The following THSD7B variants were observed in gnomAD, a reference collection of about 807,000 sequenced individuals.
THSD7B encodes thrombospondin type-1 domain-containing protein 7B.
Under a neutral mutation model 213.6 loss-of-function variants are expected in THSD7B, and 138 were observed. That is an observed-to-expected ratio of 0.65 (90% CI 0.56 to 0.74). The LOEUF is 0.74. Ranked by LOEUF, THSD7B falls within the 30% of genes least tolerant of loss-of-function variation. The probability of loss-of-function intolerance (pLI) is 0.00; values close to 1 mark genes in which losing one functional copy is unlikely to be tolerated. For missense variants in THSD7B, 1,931 were observed against 1,991.5 expected (o/e 0.97, Z 0.58); for synonymous variants, 742 against 687.0 (o/e 1.08, Z -1.25).
intron 3 of THSD7B, among the ~76,000 whole-genome samples, chr2:137,065,821 C>T (rs774198425): frequency 7.9e-5 from 12 of 152,094 alleles, no homozygotes; most frequent in South Asian, 4.1e-4. Context: ...TATCCTATAA[C>T]GGAGTATTCT....
At chr2:137,307,337 C>G (rs917993829) in intron 12 of THSD7B, among the ~76,000 whole-genome samples, 1 of 152,008 alleles carries the variant, frequency 6.6e-6, no homozygotes, top group South Asian at 2.1e-4. Context: ...CAGGGTAACT[C>G]GCAGCCCGCC....
At chr2:137,305,550 G>A (rs562209147) in intron 12 of THSD7B, among the ~76,000 whole-genome samples, 1 of 152,228 alleles carries the variant, frequency 6.6e-6, no homozygotes, top group African/African-American at 2.4e-5. Context: ...ATAACTTGGA[G>A]TCCCAGAAGC....
chr2:137,604,093 T>C (rs1682125104), intron 17 of THSD7B, among the ~76,000 whole-genome samples: 1 of 151,912 alleles, frequency 6.6e-6, no homozygotes, highest in South Asian at 2.1e-4. Context: ...AGTGAGACTC[T>C]ATCTCGAAAA....
intron 8 of THSD7B, among the ~76,000 whole-genome samples, chr2:137,231,730 A>C (rs1681644590): frequency 6.6e-6 from 1 of 152,216 alleles, no homozygotes; most frequent in African/African-American, 2.4e-5. Context: ...GGGGCACATC[A>C]TGGAGGCTGT....
chr2:137,400,727 G>A (rs1686334909), intron 12 of THSD7B, among the ~76,000 whole-genome samples: 1 of 152,204 alleles, frequency 6.6e-6, no homozygotes, highest in South Asian at 2.1e-4. Flanking sequence ...GCAGGTTAGA[G>A]CCAGCTGCAG....
chr2:137,354,000 T>G (rs1040709996), intron 12 of THSD7B, among the ~76,000 whole-genome samples: 2 of 152,106 alleles, frequency 1.3e-5, no homozygotes, highest in African/African-American at 4.8e-5. Flanking sequence ...CTGAGTCTGA[T>G]GTCTGATCCT....
At chr2:137,330,788 A>G (rs181228206) in intron 12 of THSD7B, among the ~76,000 whole-genome samples, 1 of 152,052 alleles carries the variant, frequency 6.6e-6, no homozygotes, top group Admixed American at 6.5e-5. Flanking sequence ...ACAGTGTGGA[A>G]GGGGCCCCAA....
At chr2:137,424,704 A>G (rs1445398333) in intron 14 of THSD7B, among the ~76,000 whole-genome samples, 1 of 152,206 alleles carries the variant, frequency 6.6e-6, no homozygotes, top group Non-Finnish European at 1.5e-5. Flanking sequence ...AACTCTCAAT[A>G]AATTGCATAG....
chr2:137,202,473 T>C (rs1680898412), intron 7 of THSD7B, among the ~76,000 whole-genome samples: 1 of 151,958 alleles, frequency 6.6e-6, no homozygotes, highest in African/African-American at 2.4e-5. Flanking sequence ...AGCAGAGTGG[T>C]TTAACCACAA....
chr2:136,977,806 T>TTTGTTTTG (rs535706842), intron 2 of THSD7B, among the ~76,000 whole-genome samples: 2,413 of 51,616 alleles, frequency 0.047, 56 homozygotes, highest in East Asian at 0.15. Context: ...TCTTTGTTTT[T>TTTGTTTTG]TTTTTTTTTT....
intron 20 of THSD7B, among the ~76,000 whole-genome samples, chr2:137,640,628 T>G (rs113430499): frequency 1.3e-5 from 2 of 152,322 alleles, no homozygotes; most frequent in African/African-American, 4.8e-5. Flanking sequence ...TGAGCCTTAG[T>G]TTCGTCATCT....
At chr2:136,891,592 G>C (rs1474534828) in intron 2 of THSD7B, among the ~76,000 whole-genome samples, 2 of 152,312 alleles carry the variant, frequency 1.3e-5, no homozygotes, top group East Asian at 1.9e-4. Flanking sequence ...TAGTGGTCCA[G>C]ACTGGAGGCT....
intron 5 of THSD7B, among the ~76,000 whole-genome samples, chr2:137,158,551 A>T (rs953656425): frequency 6.6e-6 from 1 of 152,316 alleles, no homozygotes; most frequent in South Asian, 2.1e-4. Context: ...TGCAAATAAA[A>T]CATTATTATT....
intron 7 of THSD7B, among the ~76,000 whole-genome samples, chr2:137,227,082 A>G (rs1048176476): frequency 2.0e-5 from 3 of 152,222 alleles, no homozygotes; most frequent in Non-Finnish European, 4.4e-5. Flanking sequence ...AAGAGGTAAC[A>G]GAAACTGCTC....
At chr2:137,239,433 T>C (rs1179551624) in intron 9 of THSD7B, among the ~76,000 whole-genome samples, 2 of 152,152 alleles carry the variant, frequency 1.3e-5, no homozygotes, top group African/African-American at 2.4e-5. Flanking sequence ...TCCGTCCTCC[T>C]TCCCTGTCCC....
At chr2:137,520,512 T>C (rs1369898829) in intron 15 of THSD7B, among the ~76,000 whole-genome samples, 1 of 152,202 alleles carries the variant, frequency 6.6e-6, no homozygotes, top group Non-Finnish European at 1.5e-5. Flanking sequence ...AATGCAGACC[T>C]AAAACTAATT....
At chr2:137,624,394 A>T (rs925062883) in intron 20 of THSD7B, among the ~76,000 whole-genome samples, 1 of 152,208 alleles carries the variant, frequency 6.6e-6, no homozygotes, top group African/African-American at 2.4e-5. Flanking sequence ...AACCTAGGCA[A>T]TACCATTCAG....
At chr2:137,058,378 C>A (rs1017904508) in intron 3 of THSD7B, among the ~76,000 whole-genome samples, 1 of 151,970 alleles carries the variant, frequency 6.6e-6, no homozygotes, top group Non-Finnish European at 1.5e-5. Context: ...TCTTAATATT[C>A]CGTACTGTAT....
intron 15 of THSD7B, among the ~76,000 whole-genome samples, chr2:137,474,785 T>C (rs1306326047): frequency 6.6e-6 from 1 of 152,122 alleles, no homozygotes; most frequent in African/African-American, 2.4e-5. Context: ...AATATCCTTA[T>C]CACAAATGAT....
Sources: allele counts gnomAD v4.1 joint callset (sites outside exome capture counted in the v4.1 genomes callset), GRCh38; gene constraint gnomAD v4.1.1; transcripts MANE v1.5; gene names NCBI Gene and HGNC (gene_info 2026-07-23, HGNC 2026-07-21).